The following NRXN1 variants were observed in gnomAD, a reference collection of about 807,000 sequenced individuals.
The protein encoded by NRXN1 is neurexin-1.
In NRXN1, 39 loss-of-function variants were observed where a neutral mutation model predicts 150.9. That is an observed-to-expected ratio of 0.26 (90% confidence interval 0.20 to 0.34). NRXN1 has a LOEUF of 0.34. NRXN1 is among the 10% of genes least tolerant of loss of function. The pLI is 1.00. For missense variants in NRXN1, 1,815 were observed against 1,949.9 expected (o/e 0.93, Z 1.30); for synonymous variants, 924 against 757.0 (o/e 1.22, Z -3.62).
At chr2:50,380,160 G>A (rs1033340859) in intron 17 of NRXN1, among the ~76,000 whole-genome samples, 3 of 151,784 alleles carry the variant, frequency 2.0e-5, no homozygotes, top group Admixed American at 1.3e-4. Flanking sequence ...TTAGACATTG[G>A]TTTTATGCTT....
chr2:50,235,865 G>T (rs2065366146), intron 18 of NRXN1, among the ~76,000 whole-genome samples: 2 of 151,974 alleles, frequency 1.3e-5, no homozygotes, highest in Admixed American at 6.6e-5. Flanking sequence ...ATAGACTTTA[G>T]ACCAAGAACT....
At chr2:50,454,790 A>C (rs1329109736) in intron 17 of NRXN1, among the ~76,000 whole-genome samples, 2 of 152,160 alleles carry the variant, frequency 1.3e-5, no homozygotes, top group Non-Finnish European at 2.9e-5. Context: ...CCAAAAACAG[A>C]AGAATGAGAT....
intron 17 of NRXN1, among the ~76,000 whole-genome samples, chr2:50,350,531 C>T (rs1283551354): frequency 6.6e-6 from 1 of 152,162 alleles, no homozygotes; most frequent in African/African-American, 2.4e-5. Context: ...TGCGTGTTTG[C>T]TAAGGATCAT....
chr2:50,982,694 G>A lies in NRXN1; in HGVS notation c.772+44808C>T, dbSNP rs568832016. 2.6e-5 allele frequency among the ~76,000 whole-genome samples: 4 copies of A among 152,116 alleles called. No homozygotes were observed. The South Asian group carries it at 8.3e-4, about 32-fold the overall frequency. ...ACTTCACCTTAAAAAGCTTGCTGTT[G>A]ACTACAAAGATGTTGAAAATATAAA... On this transcript the variant is annotated intron_variant, in intron 2 of 22. Transcript: ENST00000401669.
At chr2:50,708,136 A>G (rs566496684) in intron 5 of NRXN1, among the ~76,000 whole-genome samples, 1 of 152,348 alleles carries the variant, frequency 6.6e-6, no homozygotes, top group East Asian at 1.9e-4. Flanking sequence ...ACTCAAGATT[A>G]GAACTGATAT....
intron 5 of NRXN1, among the ~76,000 whole-genome samples, chr2:50,798,918 T>G (rs963529891): frequency 1.3e-5 from 2 of 152,174 alleles, no homozygotes; most frequent in Non-Finnish European, 2.9e-5. Flanking sequence ...TTGGCAGCAA[T>G]TGCTGAAAAG....
chr2:50,825,022 T>C (rs1188211174), intron 5 of NRXN1, among the ~76,000 whole-genome samples: 6 of 152,146 alleles, frequency 3.9e-5, no homozygotes, highest in African/African-American at 1.2e-4. Flanking sequence ...GTCAAAAAAT[T>C]AGTAAATCAA....
At chr2:50,452,739 G>T (rs1442684100) in intron 17 of NRXN1, among the ~76,000 whole-genome samples, 2 of 152,174 alleles carry the variant, frequency 1.3e-5, no homozygotes, top group South Asian at 2.1e-4. Flanking sequence ...TTTGACAGTG[G>T]TTCTGTTGAT....
At chr2:50,606,271 A>G (rs1429174009) in intron 8 of NRXN1, among the ~76,000 whole-genome samples, 3 of 150,850 alleles carry the variant, frequency 2.0e-5, no homozygotes, top group Non-Finnish European at 4.4e-5. Flanking sequence ...AAAAAAAAAA[A>G]GAAGGAAATC....
chr2:50,699,500 A>G (rs1354949116), intron 5 of NRXN1, among the ~76,000 whole-genome samples: 1 of 152,102 alleles, frequency 6.6e-6, no homozygotes, highest in Non-Finnish European at 1.5e-5. Context: ...CATCTGAAGC[A>G]TGAGAGGGAC....
chr2:50,296,881 C>CTTTTTT (rs4032054), intron 17 of NRXN1, among the ~76,000 whole-genome samples: 1 of 112,944 alleles, frequency 8.9e-6, no homozygotes, highest in Non-Finnish European at 1.9e-5. Flanking sequence ...TTCTTTCTTT[C>CTTTTTT]TTTTTTTTTT....
chr2:50,833,142 T>C (rs1187032891), intron 5 of NRXN1, among the ~76,000 whole-genome samples: 1 of 152,158 alleles, frequency 6.6e-6, no homozygotes, highest in African/African-American at 2.4e-5. Flanking sequence ...GTTCTATACA[T>C]ATATTACAAT....
chr2:50,277,200 G>A (rs2070606613), intron 17 of NRXN1, among the ~76,000 whole-genome samples: 1 of 152,062 alleles, frequency 6.6e-6, no homozygotes, highest in African/African-American at 2.4e-5. Flanking sequence ...TAACTCAGGA[G>A]CCACAAAACA....
intron 2 of NRXN1, among the ~76,000 whole-genome samples, chr2:50,993,347 C>T (rs564896734): frequency 9.9e-5 from 15 of 151,854 alleles, no homozygotes; most frequent in African/African-American, 3.6e-4. Context: ...GCCATACTGC[C>T]CCAAAGATTT....
chr2:50,611,576 C>T (rs1678141122), intron 8 of NRXN1, among the ~76,000 whole-genome samples: 1 of 152,150 alleles, frequency 6.6e-6, no homozygotes, highest in African/African-American at 2.4e-5. Context: ...TTGTTTATTT[C>T]CCTTGCCTCC....
chr2:50,000,846 T>G (rs548012315), intron 21 of NRXN1, among the ~76,000 whole-genome samples: 1 of 152,266 alleles, frequency 6.6e-6, no homozygotes, highest in South Asian at 2.1e-4. Context: ...GAGGTACAGA[T>G]GAGTTCTGGC....
intron 17 of NRXN1, among the ~76,000 whole-genome samples, chr2:50,386,345 T>C (rs1485273197): frequency 1.3e-5 from 2 of 151,958 alleles, no homozygotes; most frequent in Non-Finnish European, 2.9e-5. Flanking sequence ...TTGAAAATTA[T>C]CTTAGATTTT....
intron 17 of NRXN1, among the ~76,000 whole-genome samples, chr2:50,317,372 G>C (rs1181813443): frequency 6.6e-6 from 1 of 151,782 alleles, no homozygotes; most frequent in Non-Finnish European, 1.5e-5. Context: ...AAAACAGTCA[G>C]GAAGAATGAA....
At chr2:50,881,209 T>C (rs999770966) in intron 5 of NRXN1, among the ~76,000 whole-genome samples, 5 of 151,986 alleles carry the variant, frequency 3.3e-5, no homozygotes, top group African/African-American at 7.2e-5. Flanking sequence ...CAGACTGATA[T>C]GTGATCTCAT....
Sources: allele counts gnomAD v4.1 joint callset (sites outside exome capture counted in the v4.1 genomes callset), GRCh38; gene constraint gnomAD v4.1.1; transcripts MANE v1.5; gene names NCBI Gene and HGNC (gene_info 2026-07-23, HGNC 2026-07-21).